The following ZBTB20 variants were observed in gnomAD, a reference collection of about 807,000 sequenced individuals.
ZBTB20 encodes the protein zinc finger and BTB domain containing 20, also known as zinc finger and BTB domain-containing protein 20.
Under a neutral mutation model 56.9 loss-of-function variants are expected in ZBTB20, and 9 were observed. The ratio of observed to expected loss-of-function variants is 0.16; its 90% confidence interval spans 0.10 to 0.28. ZBTB20 has a LOEUF of 0.28. ZBTB20 is among the 10% of genes least tolerant of loss of function. The pLI is 1.00. For missense variants in ZBTB20, 655 were observed against 1,003.0 expected (o/e 0.65, Z 4.69); for synonymous variants, 417 against 420.7 (o/e 0.99, Z 0.11).
intron 6 of ZBTB20, among the ~76,000 whole-genome samples, chr3:114,521,104 A>G (rs1282852750): frequency 6.6e-6 from 1 of 152,186 alleles, no homozygotes; most frequent in Non-Finnish European, 1.5e-5. Context: ...TTTACCTGTT[A>G]AAAACACACA....
chr3:114,981,233 C>G (rs1269818492), intron 2 of ZBTB20, among the ~76,000 whole-genome samples: 1 of 152,124 alleles, frequency 6.6e-6, no homozygotes, highest in Non-Finnish European at 1.5e-5. Context: ...TGCACTCATA[C>G]AGTAACCCCC....
At chr3:114,726,121 G>C (rs976858595) in intron 5 of ZBTB20, among the ~76,000 whole-genome samples, 4 of 152,196 alleles carry the variant, frequency 2.6e-5, no homozygotes, top group Admixed American at 2.6e-4. Context: ...CCAAAACTGA[G>C]AGAATGCTGG....
chr3:114,791,270 C>T (rs971321467), intron 5 of ZBTB20, among the ~76,000 whole-genome samples: 5 of 152,126 alleles, frequency 3.3e-5, no homozygotes, highest in African/African-American at 9.7e-5. Flanking sequence ...GCAATGATAA[C>T]GTAGACAGTA....
At chr3:114,784,130 A>G (rs887873480) in intron 5 of ZBTB20, among the ~76,000 whole-genome samples, 6 of 152,222 alleles carry the variant, frequency 3.9e-5, no homozygotes, top group Admixed American at 6.5e-5. Flanking sequence ...GATTTTTTAA[A>G]GCAGAAAATA....
At chr3:114,512,540 T>C (rs1456040257) in intron 6 of ZBTB20, among the ~76,000 whole-genome samples, 2 of 152,138 alleles carry the variant, frequency 1.3e-5, no homozygotes, top group African/African-American at 4.8e-5. Context: ...TTGTTCTTTA[T>C]TTGTTTTTAT....
intron 1 of ZBTB20, among the ~76,000 whole-genome samples, chr3:115,075,023 C>T (rs927425690): frequency 1.3e-5 from 2 of 151,982 alleles, no homozygotes; most frequent in Admixed American, 6.6e-5. Flanking sequence ...TTTGTGTTTA[C>T]GGTTATATAA....
chr3:114,876,523 T>C (rs1473619670), intron 4 of ZBTB20: 1 of 152,196 alleles, frequency 6.6e-6, no homozygotes. Flanking sequence ...TCCTGTTGCA[T>C]GCTTTGCCTT....
chr3:114,483,982 T>C lies in ZBTB20; in HGVS notation c.-255+16370A>G, dbSNP rs2041838927. Among the ~76,000 whole-genome samples, 3 of 151,978 alleles carry C rather than the reference T, an allele frequency of 2.0e-5. No homozygotes were observed. The South Asian group carries it at 6.2e-4, about 32-fold the overall frequency. On this transcript the variant is annotated intron_variant, in intron 7 of 11. Coordinates refer to ENST00000675478, the MANE Select transcript of ZBTB20 (RefSeq NM_001348800.3). ...CAGTTAGTTGTCTGCATAAAGTCAT[T>C]CCATTTTCCAAAGCTGCTTACTCTT... is the stretch of plus-strand genomic sequence containing the variant.
chr3:114,550,240 T>C (rs2050407180), intron 6 of ZBTB20, among the ~76,000 whole-genome samples: 1 of 152,156 alleles, frequency 6.6e-6, no homozygotes, highest in Non-Finnish European at 1.5e-5. Context: ...GCCCACCCTA[T>C]AACTTCTTTA....
chr3:114,524,085 C>A (rs1250109893), intron 6 of ZBTB20, among the ~76,000 whole-genome samples: 1 of 151,986 alleles, frequency 6.6e-6, no homozygotes, highest in East Asian at 1.9e-4. Flanking sequence ...GTGTTAAAGG[C>A]GCATACAAGG....
chr3:114,646,192 T>A (rs938124345), intron 6 of ZBTB20, among the ~76,000 whole-genome samples: 3 of 150,834 alleles, frequency 2.0e-5, no homozygotes, highest in Non-Finnish European at 2.9e-5. Flanking sequence ...AAAGTAGGGG[T>A]CTGTGGGTGA....
chr3:114,860,109 C>A (rs950735251), intron 4 of ZBTB20, among the ~76,000 whole-genome samples: 1 of 152,096 alleles, frequency 6.6e-6, no homozygotes, highest in African/African-American at 2.4e-5. Flanking sequence ...GAGATCAAGA[C>A]CATCCTGGCC....
chr3:114,436,182 G>C (rs748289503), intron 7 of ZBTB20, among the ~76,000 whole-genome samples: 2 of 152,170 alleles, frequency 1.3e-5, no homozygotes, highest in Non-Finnish European at 2.9e-5. Flanking sequence ...TTTCTCTAAT[G>C]CTCCATAGCC....
At chr3:114,416,979 C>G (rs1186463498) in intron 7 of ZBTB20, among the ~76,000 whole-genome samples, 5 of 152,008 alleles carry the variant, frequency 3.3e-5, no homozygotes, top group Non-Finnish European at 7.4e-5. Context: ...CTGAAAGAAC[C>G]AAATGGTGGT....
intron 10 of ZBTB20, among the ~76,000 whole-genome samples, chr3:114,362,496 T>C (rs931358584): frequency 2.6e-5 from 4 of 152,238 alleles, no homozygotes; most frequent in Non-Finnish European, 1.5e-5. Context: ...GATATGGTCC[T>C]GACAGGGCTT....
At chr3:114,816,965 A>C (rs2072958620) in intron 4 of ZBTB20, among the ~76,000 whole-genome samples, 1 of 151,866 alleles carries the variant, frequency 6.6e-6, no homozygotes, top group East Asian at 1.9e-4. Flanking sequence ...CAAGACAATA[A>C]AAAAAATTGC....
intron 6 of ZBTB20, among the ~76,000 whole-genome samples, chr3:114,635,962 AG>A (rs1383917627): frequency 6.6e-6 from 1 of 151,608 alleles, no homozygotes; most frequent in African/African-American, 2.4e-5. Context: ...AGAGCTCCAA[AG>A]ATCTACACCA....
chr3:114,737,714 C>T (rs1403728851), intron 5 of ZBTB20, among the ~76,000 whole-genome samples: 1 of 152,028 alleles, frequency 6.6e-6, no homozygotes, highest in Admixed American at 6.6e-5. Context: ...ATTTAAATTA[C>T]CAAAAGCCTA....
At chr3:114,868,380 T>C (rs1387583559) in intron 4 of ZBTB20, among the ~76,000 whole-genome samples, 1 of 152,200 alleles carries the variant, frequency 6.6e-6, no homozygotes, top group Non-Finnish European at 1.5e-5. Context: ...TCTGCCTTCA[T>C]GTCTTTTGAG....
Sources: allele counts gnomAD v4.1 joint callset (sites outside exome capture counted in the v4.1 genomes callset), GRCh38; gene constraint gnomAD v4.1.1; transcripts MANE v1.5; gene names NCBI Gene and HGNC (gene_info 2026-07-23, HGNC 2026-07-21).